RGS6: variants seen among roughly 807,000 people sequenced by gnomAD.
RGS6 encodes the protein regulator of G protein signaling 6.
Under a neutral mutation model 78.5 loss-of-function variants are expected in RGS6, and 30 were observed. The observed-to-expected ratio is 0.38, with a 90% CI of 0.29 to 0.52. RGS6 has a LOEUF of 0.52. Among genes scored for constraint, RGS6 ranks in the 20% least tolerant of loss-of-function variants. The pLI is 0.85. For synonymous variants in RGS6, 206 were observed against 206.0 expected (o/e 1.00, Z 0.00); for missense variants, 495 against 609.7 (o/e 0.81, Z 1.98).
At chr14:72,621,122 CTGAG>C in the RGS6 span, among the ~76,000 whole-genome samples, 3 of 145,736 alleles carry the variant, frequency 2.1e-5, no homozygotes, top group Non-Finnish European at 4.5e-5. Context: ...GCCTGGGCAA[CTGAG>C]TGAGACTCTG....
chr14:72,454,425 T>A (rs1454443316), intron 3 of RGS6, 103 bp from the exon 4 acceptor site: 7 of 1,182,208 alleles, frequency 5.9e-6, no homozygotes, highest in Non-Finnish European at 8.9e-6. Flanking sequence ...TGCTCTACAG[T>A]GTGGACTGTT....
intron 2 of RGS6, among the ~76,000 whole-genome samples, chr14:72,149,566 T>C (rs2238255): frequency 0.52 from 78,475 of 151,896 alleles, 20,346 homozygotes; most frequent in Middle Eastern, 0.6. Context: ...AAAGGAACGT[T>C]TGGGACCAAA....
intron 2 of RGS6, among the ~76,000 whole-genome samples, chr14:72,269,382 T>G (rs1027997290): frequency 6.6e-6 from 1 of 152,114 alleles, no homozygotes; most frequent in Non-Finnish European, 1.5e-5. Flanking sequence ...ATCTCTGGCC[T>G]TCCTTTCTCA....
In RGS6 at chr14:72,405,404, T is replaced by A. The variant is rs118022488; in HGVS notation, c.185-49124T>A. ...ATAATAATTATCCCCCTACATTTCC[T>A]TAATTATTTAAACTTCTGAAAGGAC... On this transcript the variant is annotated intron_variant, in intron 3 of 17. Coordinates refer to ENST00000553525, the MANE Select transcript of RGS6 (RefSeq NM_001204424.2). Among the ~76,000 whole-genome samples the A allele has an allele frequency of 2.8e-3, 427 of 152,290 alleles. 1 individual carries two copies. The highest frequency in any genetic ancestry group is 0.014 in the Middle Eastern group (4 of 294).
At chr14:72,615,123 C>T in the RGS6 span, among the ~76,000 whole-genome samples, 3 of 152,236 alleles carry the variant, frequency 2.0e-5, no homozygotes, top group East Asian at 1.9e-4. Context: ...GAGGGGCAGC[C>T]GGGGAGTGAG....
chr14:72,455,562 C>CT (rs1555410339), intron 4 of RGS6, among the ~76,000 whole-genome samples: 1 of 152,190 alleles, frequency 6.6e-6, no homozygotes, highest in Non-Finnish European at 1.5e-5. Context: ...TGTTAGAACT[C>CT]TGAGTGCCAG....
intron 2 of RGS6, among the ~76,000 whole-genome samples, chr14:72,094,274 A>G (rs1196296241): frequency 6.6e-6 from 1 of 152,236 alleles, no homozygotes; most frequent in African/African-American, 2.4e-5. Context: ...CAGCCCAGCT[A>G]CATTTAGTAT....
At chr14:72,593,635 C>T in the RGS6 span, among the ~76,000 whole-genome samples, 2 of 152,320 alleles carry the variant, frequency 1.3e-5, no homozygotes, top group East Asian at 3.9e-4. Flanking sequence ...GATCTGTCCG[C>T]CTCAGCCTCC....
At chr14:72,487,702 T>C (rs973429885) in intron 12 of RGS6, among the ~76,000 whole-genome samples, 7 of 152,230 alleles carry the variant, frequency 4.6e-5, no homozygotes, top group South Asian at 4.1e-4. Context: ...AATTCTTCCC[T>C]AGAGCCTCCA....
intron 3 of RGS6, among the ~76,000 whole-genome samples, chr14:72,362,737 G>C (rs2081694053): frequency 6.6e-6 from 1 of 152,192 alleles, no homozygotes; most frequent in African/African-American, 2.4e-5. Flanking sequence ...CGTTCTTCAA[G>C]GCAAATTACA....
chr14:72,271,334 A>C (rs1303963279), intron 2 of RGS6, among the ~76,000 whole-genome samples: 3 of 151,982 alleles, frequency 2.0e-5, no homozygotes, highest in African/African-American at 7.3e-5. Context: ...GTGCAGGGGA[A>C]CTCCCATTTA....
chr14:72,499,379 A>G (rs1246997534), intron 13 of RGS6, among the ~76,000 whole-genome samples: 3 of 152,090 alleles, frequency 2.0e-5, no homozygotes, highest in Non-Finnish European at 4.4e-5. Flanking sequence ...AACCTGATCC[A>G]TGTTCCTGAG....
In RGS6 at chr14:72,142,964, T is replaced by C. The variant is rs146400258; in HGVS notation, c.84+178089T>C. On this transcript the variant is annotated intron_variant, in intron 2 of 17. Transcript: ENST00000553525. ...CCTTCCTTCCCATTTCTCAGACTTATAGCAAAGCTCTTACTGATATCAGTG... is the reference window on the plus strand; with the variant it reads ...CCTTCCTTCCCATTTCTCAGACTTACAGCAAAGCTCTTACTGATATCAGTG... 3.2e-4 allele frequency among the ~76,000 whole-genome samples: 48 copies of C among 152,264 alleles called. 1 individual carries two copies. The East Asian group carries it at 7.4e-3, about 23-fold the overall frequency.
chr14:72,174,711 G>A (rs866969786), intron 2 of RGS6, among the ~76,000 whole-genome samples: 1 of 152,100 alleles, frequency 6.6e-6, no homozygotes, highest in African/African-American at 2.4e-5. Flanking sequence ...ACTACCCACA[G>A]ATTGGAAGGG....
At chr14:72,254,477 C>T (rs1594856885) in intron 2 of RGS6, among the ~76,000 whole-genome samples, 1 of 152,150 alleles carries the variant, frequency 6.6e-6, no homozygotes, top group African/African-American at 2.4e-5. Flanking sequence ...CAGTGCATGC[C>T]TGAGAGTTGC....
chr14:71,891,259 CG>C, the RGS6 span, among the ~76,000 whole-genome samples: 1 of 152,276 alleles, frequency 6.6e-6, no homozygotes, highest in East Asian at 1.9e-4. Flanking sequence ...GGGAAGGGCT[CG>C]ACTGGGTGGT....
chr14:72,278,976 G>A (rs2061150664), intron 2 of RGS6, among the ~76,000 whole-genome samples: 1 of 152,004 alleles, frequency 6.6e-6, no homozygotes, highest in Non-Finnish European at 1.5e-5. Context: ...GAGAGAACAG[G>A]CTCTCCAGTG....
chr14:72,120,855 A>G (rs1400758398), intron 2 of RGS6, among the ~76,000 whole-genome samples: 1 of 152,180 alleles, frequency 6.6e-6, no homozygotes, highest in African/African-American at 2.4e-5. Flanking sequence ...AATCTTCTCT[A>G]TCTTATTTTG....
chr14:72,112,643 A>G (rs543876438), intron 2 of RGS6, among the ~76,000 whole-genome samples: 69 of 152,324 alleles, frequency 4.5e-4, no homozygotes, highest in Middle Eastern at 3.4e-3. Context: ...CATTTCAGTT[A>G]GTCCTCCTAA....
Sources: allele counts gnomAD v4.1 joint callset (sites outside exome capture counted in the v4.1 genomes callset), GRCh38; gene constraint gnomAD v4.1.1; transcripts MANE v1.5; gene names NCBI Gene and HGNC (gene_info 2026-07-23, HGNC 2026-07-21).